The following HTR2A variants were observed in gnomAD, a reference collection of about 807,000 sequenced individuals.
HTR2A encodes 5-hydroxytryptamine receptor 2A.
A neutral mutation model predicts 31.0 loss-of-function variants in HTR2A; 14 were observed. The ratio of observed to expected loss-of-function variants is 0.45; its 90% CI spans 0.30 to 0.71. The LOEUF (loss-of-function observed/expected upper bound fraction) is 0.71, where lower values mean the gene tolerates loss of function less well. Ranked by LOEUF, HTR2A falls within the 30% of genes least tolerant of loss-of-function variation. HTR2A has a pLI of 0.09. For synonymous variants in HTR2A, 209 were observed against 225.2 expected (o/e 0.93, Z 0.64); for missense variants, 442 against 573.3 (o/e 0.77, Z 2.34).
chr13:46,889,168 A>G (rs979982622), intron 3 of HTR2A, among the ~76,000 whole-genome samples: 1 of 152,198 alleles, frequency 6.6e-6, no homozygotes, highest in Non-Finnish European at 1.5e-5. Flanking sequence ...AGATATATCC[A>G]AAAATGATAA....
chr13:46,892,247 A>G, intron 3 of HTR2A, 143 bp downstream of exon 3: 2 of 784,426 alleles, frequency 2.5e-6, no homozygotes, highest in Non-Finnish European at 2.1e-6. Flanking sequence ...CGAATCTGAT[A>G]ATTATGATGT....
At chr13:46,842,578 T>C (rs1950607265) in intron 3 of HTR2A, among the ~76,000 whole-genome samples, 3 of 152,150 alleles carry the variant, frequency 2.0e-5, no homozygotes, top group South Asian at 2.1e-4. Flanking sequence ...TTTTCCATCA[T>C]ATTACACAAG....
Position 46,832,472 on chromosome 13 carries a change from T to A in HTR2A, c.*2365A>T, listed in dbSNP as rs1167167622. On this transcript the variant is annotated 3_prime_UTR_variant, in exon 4 of 4. Coordinates refer to ENST00000542664, the MANE Select transcript of HTR2A (RefSeq NM_000621.5). ...GTAATATATAGGTAGTCAAAAGACA[T>A]CTATCAGGCAACATTAATGTACATT... 1 of 152,180 alleles carries A rather than the reference T, an allele frequency of 6.6e-6. No homozygotes were observed. Among genetic ancestry groups the A allele is most frequent in the East Asian group, 1.9e-4 (1 of 5,204 alleles). The allele number at this position is 152,180 out of a possible 1,614,324, so 9.4% of individuals were successfully genotyped here. A position where few individuals can be genotyped will look rare whatever the true frequency, so the allele number is the denominator to read the frequency against.
intron 3 of HTR2A, among the ~76,000 whole-genome samples, chr13:46,849,005 T>G (rs972405731): frequency 1.3e-5 from 2 of 152,192 alleles, no homozygotes; most frequent in Non-Finnish European, 2.9e-5. Flanking sequence ...AATGAACAAC[T>G]GAGACATTTA....
chr13:46,851,715 C>T lies in HTR2A; in HGVS notation c.614-16076G>A, dbSNP rs189445996. ...GCAAACTTCCCGATGATATATTCAC[C>T]GCTTTTCTACATTTTGTGATAGTAA... On this transcript the variant is annotated intron_variant, in intron 3 of 3. Coordinates refer to ENST00000542664, the MANE Select transcript of HTR2A (RefSeq NM_000621.5). Among the ~76,000 whole-genome samples the T allele has an allele frequency of 1.7e-3, 255 of 152,276 alleles. 1 individual carries two copies. Among genetic ancestry groups the T allele is most frequent in the Non-Finnish European group, 3.2e-3 (217 of 68,028 alleles).
chr13:46,851,629 G>A (rs1950685543), intron 3 of HTR2A, among the ~76,000 whole-genome samples: 2 of 152,186 alleles, frequency 1.3e-5, no homozygotes, highest in South Asian at 2.1e-4. Context: ...CTGGGAGAGA[G>A]ACTCTCCTTT....
chr13:46,874,152 C>T (rs1593439167), intron 3 of HTR2A, among the ~76,000 whole-genome samples: 2 of 152,296 alleles, frequency 1.3e-5, no homozygotes, highest in East Asian at 1.9e-4. Flanking sequence ...ACAATTGGAA[C>T]GTGAAATTCT....
intron 3 of HTR2A, among the ~76,000 whole-genome samples, chr13:46,887,477 C>T (rs1295034962): frequency 6.8e-6 from 1 of 146,396 alleles, no homozygotes; most frequent in African/African-American, 2.5e-5. Context: ...AAAAAAATTA[C>T]CAGACATATC....
chr13:46,855,905 C>T (rs1417170228), intron 3 of HTR2A, among the ~76,000 whole-genome samples: 5 of 152,154 alleles, frequency 3.3e-5, no homozygotes, highest in South Asian at 4.1e-4. Context: ...CAGCTCTGGG[C>T]GTTGGAGCAA....
chr13:46,885,625 G>C (rs1422159440), intron 3 of HTR2A, among the ~76,000 whole-genome samples: 1 of 152,138 alleles, frequency 6.6e-6, no homozygotes, highest in African/African-American at 2.4e-5. Flanking sequence ...ATTCTCTCAA[G>C]TGGAATTGGT....
intron 3 of HTR2A, among the ~76,000 whole-genome samples, chr13:46,853,657 T>C (rs1381741127): frequency 1.3e-5 from 2 of 152,126 alleles, no homozygotes; most frequent in Admixed American, 6.5e-5. Flanking sequence ...TGGGCTGACA[T>C]TGCTTTTTCT....
chr13:46,876,724 T>C (rs2138234601), intron 3 of HTR2A, among the ~76,000 whole-genome samples: 1 of 152,262 alleles, frequency 6.6e-6, no homozygotes, highest in South Asian at 2.1e-4. Flanking sequence ...CCTTGATTCA[T>C]ATTTTTAACA....
chr13:46,839,001 CACACACA>C (rs1566299383), intron 3 of HTR2A, among the ~76,000 whole-genome samples: 1 of 151,910 alleles, frequency 6.6e-6, no homozygotes, highest in African/African-American at 2.4e-5. Context: ...CACACACACA[CACACACA>C]CCCTTACAGA....
chr13:46,892,501 C>T lies in HTR2A; in HGVS notation c.502G>A (p.Ala168Thr), dbSNP rs770851114. 5 of 1,614,040 alleles carry T rather than the reference C, an allele frequency of 3.1e-6. No individual in the cohort carries two copies. The highest frequency in any genetic ancestry group is 1.7e-5 in the Admixed American group (1 of 60,004). ...FSTASIMHLCAISLDRYVAIQ... is the reference protein window; with the variant it reads ...FSTASIMHLCTISLDRYVAIQ... ...GCGACGTAGCGGTCCAGCGAGATGGCGCAGAGGTGCATGATGGAGGCCGTG... is the reference window on the plus strand; with the variant it reads ...GCGACGTAGCGGTCCAGCGAGATGGTGCAGAGGTGCATGATGGAGGCCGTG... The change falls in exon 3 of 4, where the codon GCC becomes ACC. Residue 168 changes from alanine to threonine, a missense_variant. By Grantham distance (58) the Ala-to-Thr change is moderately conservative (BLOSUM62 0). Transcript: ENST00000542664.
Position 46,835,506 on chromosome 13 carries a change from G to C in HTR2A, c.747C>G (p.Ile249Met). The C allele has an allele frequency of 1.2e-6, 2 of 1,614,066 alleles. No individual in the cohort carries two copies. Among genetic ancestry groups the C allele is most frequent in the Non-Finnish European group, 1.7e-6 (2 of 1,179,974 alleles). ...TAGTTAGAAAGTAGGTGATCACCAT[G>C]ATGGTTAAGGGAATGAAAAATGACA... ...SFVSFFIPLTIMVITYFLTIK... is the reference protein window; with the variant it reads ...SFVSFFIPLTMMVITYFLTIK... The change falls in exon 4 of 4, where the codon ATC becomes ATG. Residue 249 changes from isoleucine (I) to methionine (M), a missense_variant. By Grantham distance (10) the Ile-to-Met change is conservative (BLOSUM62 1). Coordinates refer to ENST00000542664, the MANE Select transcript of HTR2A (RefSeq NM_000621.5).
chr13:46,880,033 T>G (rs1323269986), intron 3 of HTR2A, among the ~76,000 whole-genome samples: 1 of 151,742 alleles, frequency 6.6e-6, no homozygotes, highest in African/African-American at 2.4e-5. Flanking sequence ...AAGAACAAAT[T>G]AAAGGACTGA....
In HTR2A at chr13:46,892,593, A is replaced by T; in HGVS notation, c.413-3T>A. The T allele has an allele frequency of 6.2e-7, 1 of 1,613,976 alleles. No homozygotes were observed. The highest frequency in any genetic ancestry group is 1.1e-5 in the South Asian group (1 of 91,074). ...GCTCGGCAGAGGCCACCGGTACCCT[A>T]TGAGGCAGAAGGTTGGTGTCAGTGA... On this transcript the variant is annotated splice_polypyrimidine_tract_variant and splice_region_variant and intron_variant, in intron 2 of 3. Coordinates refer to ENST00000542664, the MANE Select transcript of HTR2A (RefSeq NM_000621.5).
chr13:46,854,165 TAACAA>T (rs1159486420), intron 3 of HTR2A: 1 of 152,210 alleles, frequency 6.6e-6, no homozygotes, highest in African/African-American at 2.4e-5. Flanking sequence ...GATTCTTAGC[TAACAA>T]AACAAGTTTC....
intron 3 of HTR2A, among the ~76,000 whole-genome samples, chr13:46,869,298 A>G (rs1363776888): frequency 6.6e-6 from 1 of 152,196 alleles, no homozygotes; most frequent in Non-Finnish European, 1.5e-5. Context: ...TTCTTCAAAG[A>G]AGACATTACA....
Sources: allele counts gnomAD v4.1 joint callset (sites outside exome capture counted in the v4.1 genomes callset), GRCh38; gene constraint gnomAD v4.1.1; transcripts MANE v1.5; gene names NCBI Gene and HGNC (gene_info 2026-07-23, HGNC 2026-07-21).